Variants in CCDC141 observed in about 807,000 individuals in gnomAD.
The protein encoded by CCDC141 is coiled-coil domain-containing protein 141.
CCDC141 carries 168 observed loss-of-function variants against 181.0 expected under a neutral mutation model. The ratio of observed to expected loss-of-function variants is 0.93; its 90% confidence interval spans 0.82 to 1.05. The LOEUF is 1.05. Among genes scored for constraint, CCDC141 ranks in the 50% least tolerant of loss-of-function variants. The probability of loss-of-function intolerance (pLI) is 0.00; values close to 1 mark genes in which losing one functional copy is unlikely to be tolerated. For missense variants in CCDC141, 1,902 were observed against 1,788.5 expected (o/e 1.06, Z -1.14); for synonymous variants, 666 against 642.3 (o/e 1.04, Z -0.56).
intron 2 of CCDC141, among the ~76,000 whole-genome samples, chr2:179,015,086 A>AT (rs1432086421): frequency 2.4e-5 from 1 of 42,206 alleles, no homozygotes; most frequent in East Asian, 7.4e-4. Context: ...ATATATATAT[A>AT]TATATATATA....
intron 2 of CCDC141, among the ~76,000 whole-genome samples, chr2:179,044,860 G>A (rs550615233): frequency 1.3e-5 from 2 of 152,282 alleles, no homozygotes; most frequent in South Asian, 4.1e-4. Context: ...TGTGTAGCAG[G>A]AAGACCTTGA....
intron 7 of CCDC141, among the ~76,000 whole-genome samples, chr2:178,906,513 T>C (rs1411775782): frequency 1.3e-5 from 2 of 152,214 alleles, no homozygotes; most frequent in Non-Finnish European, 2.9e-5. Flanking sequence ...TCTTGCCACA[T>C]TGCCCTTTAG....
chr2:178,931,022 T>C (rs1689078081), intron 6 of CCDC141, among the ~76,000 whole-genome samples: 1 of 152,188 alleles, frequency 6.6e-6, no homozygotes, highest in Admixed American at 6.5e-5. Context: ...TGAATAGACA[T>C]TTTTTCACAG....
intron 2 of CCDC141, among the ~76,000 whole-genome samples, chr2:179,017,434 T>G (rs1405611940): frequency 2.6e-5 from 4 of 152,078 alleles, no homozygotes; most frequent in African/African-American, 9.7e-5. Flanking sequence ...CCTTGGGAGT[T>G]AAGCACACTG....
intron 2 of CCDC141, among the ~76,000 whole-genome samples, chr2:179,034,853 T>C (rs944761565): frequency 1.8e-4 from 28 of 152,236 alleles, no homozygotes; most frequent in African/African-American, 6.8e-4. Context: ...CTTTTGTAAA[T>C]AGTCCATTTT....
intron 2 of CCDC141, among the ~76,000 whole-genome samples, chr2:179,015,119 AT>A (rs2042423424): frequency 6.5e-5 from 1 of 15,344 alleles, no homozygotes; most frequent in Non-Finnish European, 1.8e-4. Flanking sequence ...ATATATAATC[AT>A]ATATATATAT....
At chr2:178,983,743 A>G (rs1227506284) in intron 2 of CCDC141, among the ~76,000 whole-genome samples, 1 of 152,002 alleles carries the variant, frequency 6.6e-6, no homozygotes, top group Non-Finnish European at 1.5e-5. Flanking sequence ...AATGAAATGA[A>G]GTGAGAAGGA....
intron 2 of CCDC141, among the ~76,000 whole-genome samples, chr2:179,028,768 A>T (rs1462163697): frequency 6.6e-6 from 1 of 152,212 alleles, no homozygotes; most frequent in Non-Finnish European, 1.5e-5. Context: ...AACCTTTAAA[A>T]TTTTATCCTG....
rs563763083 is a variant in CCDC141, at chr2:178,875,777, A to G, written c.1899+2187T>C. On this transcript the variant is annotated intron_variant, in intron 12 of 23. Coordinates refer to ENST00000443758, the MANE Select transcript of CCDC141 (RefSeq NM_173648.4). Reference sequence around the variant, plus strand: ...TCCAGAACTAAAATTTCTGAAATGAAGTTAGTAATAAAAAGGTAGACAAAA... The same window carrying G: ...TCCAGAACTAAAATTTCTGAAATGAGGTTAGTAATAAAAAGGTAGACAAAA... 6.6e-5 allele frequency: 10 copies of G among 152,310 alleles called. No individual in the cohort carries two copies. The South Asian group carries it at 2.1e-3, about 32-fold the overall frequency. 9.4% of individuals were successfully genotyped at this position (152,310 alleles called of 1,614,324 possible). A position where few individuals can be genotyped will look rare whatever the true frequency, so the allele number is the denominator to read the frequency against.
chr2:178,888,565 G>A lies in CCDC141; in HGVS notation c.1369C>T (p.Gln457Ter). Residue 457 changes from glutamine (Q) to a stop codon, truncating the protein, a stop_gained, in exon 9 of 24, where the codon CAA becomes TAA. Transcript: ENST00000443758. LOFTEE classifies it high-confidence loss of function. ...SAHKEYALKK[Q>*]QLTASVEGYL... ...CCCTCCACTGAGGCTGTTAGTTGTT[G>A]TTTCTTAAGAGCATATTCCTTGTGC... 6.4e-7 allele frequency: 1 copy of A among 1,550,422 alleles called. No homozygotes were observed. Among genetic ancestry groups the A allele is most frequent in the Non-Finnish European group, 8.7e-7 (1 of 1,146,790 alleles).
At chr2:178,992,033 T>C (rs905174580) in intron 2 of CCDC141, among the ~76,000 whole-genome samples, 1 of 151,970 alleles carries the variant, frequency 6.6e-6, no homozygotes, top group African/African-American at 2.4e-5. Flanking sequence ...AAATATTGAA[T>C]AATTTCTCAA....
At chr2:179,045,506 T>C (rs2043466463) in intron 2 of CCDC141, among the ~76,000 whole-genome samples, 2 of 152,160 alleles carry the variant, frequency 1.3e-5, no homozygotes, top group South Asian at 2.1e-4. Context: ...GCATGATTTA[T>C]AGTCCTTTGG....
chr2:179,005,534 T>C (rs1256728454), intron 2 of CCDC141, among the ~76,000 whole-genome samples: 1 of 152,160 alleles, frequency 6.6e-6, no homozygotes, highest in African/African-American at 2.4e-5. Flanking sequence ...ATAAACAATC[T>C]TTTTACCAGA....
At position 178,891,773 on chromosome 2, in the gene CCDC141, A is replaced by ATCTC. The variant is rs34185031; in HGVS notation, c.1266-3109_1266-3106dup. On this transcript the variant is annotated intron_variant, in intron 8 of 23. Coordinates refer to ENST00000443758, the MANE Select transcript of CCDC141 (RefSeq NM_173648.4). ...GGTGAATTACAACCAATCATATAGG[A>ATCTC]TCTCTCTCTCTCTCTCTCTCTCTCT... 6.7e-3 allele frequency among the ~76,000 whole-genome samples: 1,001 copies of ATCTC among 149,390 alleles called. 9 individuals are homozygous for ATCTC. The highest frequency in any genetic ancestry group is 0.01 in the Non-Finnish European group (691 of 67,076).
At chr2:179,018,136 C>T (rs1416199238) in intron 2 of CCDC141, among the ~76,000 whole-genome samples, 2 of 152,116 alleles carry the variant, frequency 1.3e-5, no homozygotes, top group Non-Finnish European at 2.9e-5. Context: ...GAAATTGCTA[C>T]TTTTAAGGAC....
intron 7 of CCDC141, among the ~76,000 whole-genome samples, chr2:178,913,832 C>T (rs1373516291): frequency 2.0e-5 from 3 of 152,166 alleles, no homozygotes; most frequent in African/African-American, 7.2e-5. Flanking sequence ...TCAGTTTCCT[C>T]TGCTTGCTTT....
intron 2 of CCDC141, among the ~76,000 whole-genome samples, chr2:179,015,681 T>G (rs1203367329): frequency 7.1e-6 from 1 of 141,590 alleles, no homozygotes; most frequent in Non-Finnish European, 1.5e-5. Context: ...ATCTCATATA[T>G]ATCTCATACA....
intron 2 of CCDC141, among the ~76,000 whole-genome samples, chr2:179,027,696 G>GCT (rs959798665): frequency 7.7e-6 from 1 of 130,176 alleles, no homozygotes; most frequent in Admixed American, 7.7e-5. Context: ...CCCTGCACAA[G>GCT]CTCTCTCTCT....
chr2:178,816,700 T>G, the CCDC141 span, among the ~76,000 whole-genome samples: 1 of 152,202 alleles, frequency 6.6e-6, no homozygotes, highest in Non-Finnish European at 1.5e-5. Context: ...CTCACTAGCA[T>G]TTGGCTTTGT....
Sources: gnomAD v4.1 joint callset for allele counts (sites outside exome capture counted in the v4.1 genomes callset) on GRCh38, gnomAD v4.1.1 for gene constraint, MANE v1.5 for transcripts, NCBI Gene and HGNC (gene_info 2026-07-23, HGNC 2026-07-21) for gene names.